Variants in MTREX observed in about 807,000 individuals in gnomAD.
The protein encoded by MTREX is Mtr4 exosome RNA helicase, also known as exosome RNA helicase MTR4.
Under a neutral mutation model 135.4 loss-of-function variants are expected in MTREX, and 76 were observed. That is an observed-to-expected ratio of 0.56 (90% CI 0.47 to 0.68). MTREX has a LOEUF of 0.68. MTREX is among the 30% of genes least tolerant of loss of function. The pLI, the probability that MTREX is intolerant of heterozygous loss-of-function variation, is 0.00. For missense variants in MTREX, 920 were observed against 1,262.1 expected, an observed-to-expected ratio of 0.73 and a Z score of 4.11; for synonymous variants, 404 against 401.6, an observed-to-expected ratio of 1.01 and a Z score of -0.07.
At chr5:55,339,266 A>G (rs902936455) in intron 5 of MTREX, among the ~76,000 whole-genome samples, 1 of 151,562 alleles carries the variant, frequency 6.6e-6, no homozygotes, top group Non-Finnish European at 1.5e-5. Flanking sequence ...GCATTTCTGT[A>G]TTTTCTTTTT....
intron 18 of MTREX, among the ~76,000 whole-genome samples, chr5:55,387,715 A>ACTTT (rs1750500845): frequency 1.3e-5 from 2 of 152,130 alleles, no homozygotes; most frequent in Non-Finnish European, 2.9e-5. Flanking sequence ...ATTATTAGAA[A>ACTTT]CATTCTGTGA....
intron 26 of MTREX, chr5:55,423,854 A>C (rs960693989): frequency 6.6e-6 from 1 of 152,228 alleles, no homozygotes; most frequent in African/African-American, 2.4e-5. Flanking sequence ...ATTTCTGCAA[A>C]CAACTTAGTG....
At chr5:55,348,613 A>G (rs1156430564) in intron 11 of MTREX, among the ~76,000 whole-genome samples, 3 of 152,214 alleles carry the variant, frequency 2.0e-5, no homozygotes, top group Non-Finnish European at 4.4e-5. Context: ...TTTTAAAGCT[A>G]ATTCCTACTT....
At chr5:55,375,944 C>T (rs943737659) in intron 16 of MTREX, among the ~76,000 whole-genome samples, 3 of 152,160 alleles carry the variant, frequency 2.0e-5, no homozygotes, top group South Asian at 2.1e-4. Flanking sequence ...TGTGCCATGG[C>T]GATGAAGCCT....
intron 16 of MTREX, 135 bp downstream of exon 16, chr5:55,367,010 A>C: frequency 1.7e-6 from 1 of 601,768 alleles, no homozygotes; most frequent in Non-Finnish European, 2.9e-6. Flanking sequence ...GCACAACTGT[A>C]GTCTGGTCAT....
At chr5:55,357,073 T>G (rs1340785252) in intron 14 of MTREX, 1 of 154,616 alleles carries the variant, frequency 6.5e-6, no homozygotes. Context: ...GTATACATGC[T>G]CCTGCATCCT....
At chr5:55,314,618 G>C (rs909479406) in intron 1 of MTREX, among the ~76,000 whole-genome samples, 70 of 152,292 alleles carry the variant, frequency 4.6e-4, no homozygotes, top group African/African-American at 1.5e-3. Context: ...TAGGAACACA[G>C]CCCTGCCAAC....
intron 23 of MTREX, 63 bp downstream of exon 23, chr5:55,410,692 A>C (rs1053229551): frequency 2.2e-6 from 2 of 912,350 alleles, no homozygotes; most frequent in Admixed American, 4.3e-5. Context: ...TAATAGTGTT[A>C]TGGCTATATT....
intron 2 of MTREX, 77 bp from the exon 3 acceptor site, chr5:55,324,055 C>A: frequency 9.9e-7 from 1 of 1,010,462 alleles, no homozygotes; most frequent in Non-Finnish European, 1.5e-6. Flanking sequence ...TTTTCCTTAA[C>A]AGTGCAATGT....
At chr5:55,413,431 T>TA (rs72155429) in intron 23 of MTREX, among the ~76,000 whole-genome samples, 3 of 3,886 alleles carry the variant, frequency 7.7e-4, no homozygotes, top group Non-Finnish European at 4.3e-3. Flanking sequence ...TTTTGTACAG[T>TA]ACCTTTGTCA....
chr5:55,343,287 CTG>C (rs1372699190), intron 7 of MTREX, 42 bp from the exon 8 acceptor site: 2 of 1,528,094 alleles, frequency 1.3e-6, no homozygotes, highest in African/African-American at 2.8e-5. Flanking sequence ...CAGAGTGACA[CTG>C]TAGTCCAACT....
At chr5:55,313,711 T>G (rs1749152730) in intron 1 of MTREX, among the ~76,000 whole-genome samples, 1 of 152,244 alleles carries the variant, frequency 6.6e-6, no homozygotes, top group Non-Finnish European at 1.5e-5. Flanking sequence ...AATTTAATTT[T>G]TAAGAAATTA....
chr5:55,416,237 C>G, intron 25 of MTREX, 105 bp downstream of exon 25: 1 of 701,192 alleles, frequency 1.4e-6, no homozygotes, highest in South Asian at 2.3e-5. Context: ...TATTTGGTAA[C>G]TAAATGAAAT....
In MTREX at chr5:55,358,791, A is replaced by C; in HGVS notation, c.1659+93A>C. On this transcript the variant is annotated intron_variant, in intron 15 of 26. Coordinates refer to ENST00000230640, the MANE Select transcript of MTREX (RefSeq NM_015360.5). ...ATTGGTTGTGTCAGTCAGACACCTA[A>C]GTGAAATGAGTTAATATACTGAAAC... 3 of 1,020,112 alleles carry C rather than the reference A, an allele frequency of 2.9e-6. No homozygotes were observed. In the East Asian group the frequency reaches 8.0e-5, roughly 27 times the overall value. 63.2% of individuals were successfully genotyped at this position (1,020,112 alleles called of 1,614,324 possible).
At chr5:55,423,004 T>C (rs1244449029) in intron 26 of MTREX, 22 bp downstream of exon 26, 1 of 1,584,608 alleles carries the variant, frequency 6.3e-7, no homozygotes, top group Non-Finnish European at 8.6e-7. Context: ...ATGGATAAGC[T>C]GTTTCTAATT....
rs557047596 is a variant in MTREX, at chr5:55,322,718, A to T, written c.272+254A>T. Among the ~76,000 whole-genome samples the T allele has an allele frequency of 1.5e-3, 221 of 152,122 alleles. 1 individual carries two copies. The highest frequency in any genetic ancestry group is 6.8e-3 in the Middle Eastern group (2 of 294). ...GAGAAAAAAGTCTTAAAACCTGATT[A>T]AAAAAAATACGTTTTCTTTATTTGT... is the stretch of plus-strand genomic sequence containing the variant. On this transcript the variant is annotated intron_variant, in intron 2 of 26. Coordinates refer to ENST00000230640, the MANE Select transcript of MTREX (RefSeq NM_015360.5).
intron 5 of MTREX, 88 bp downstream of exon 5, chr5:55,328,899 A>G (rs2112040362): frequency 1.3e-6 from 1 of 762,688 alleles, no homozygotes; most frequent in Non-Finnish European, 2.2e-6. Flanking sequence ...GCTAGTGAAG[A>G]TGGTTTTACT....
At chr5:55,370,345 C>G (rs1477784445) in intron 16 of MTREX, among the ~76,000 whole-genome samples, 5 of 152,164 alleles carry the variant, frequency 3.3e-5, no homozygotes, top group Non-Finnish European at 5.9e-5. Flanking sequence ...GTTAATCTTG[C>G]CTCGGTTTCT....
chr5:55,408,049 A>G (rs1382448461), intron 22 of MTREX, among the ~76,000 whole-genome samples: 1 of 152,032 alleles, frequency 6.6e-6, no homozygotes, highest in Non-Finnish European at 1.5e-5. Context: ...GAGCCACTTC[A>G]CCCAGCACCC....
Sources: allele counts gnomAD v4.1 joint callset (sites outside exome capture counted in the v4.1 genomes callset), GRCh38; gene constraint gnomAD v4.1.1; transcripts MANE v1.5; gene names NCBI Gene and HGNC (gene_info 2026-07-23, HGNC 2026-07-21).